The following FOXP2 variants were observed in gnomAD, a reference collection of about 807,000 sequenced individuals.
FOXP2 encodes the protein forkhead box protein P2.
Under a neutral mutation model 115.8 loss-of-function variants are expected in FOXP2, and 12 were observed. That is an observed-to-expected ratio of 0.10 (90% CI 0.07 to 0.17). The LOEUF (loss-of-function observed/expected upper bound fraction) is 0.17, where lower values mean the gene tolerates loss of function less well. Ranked by LOEUF, FOXP2 falls within the 10% of genes least tolerant of loss-of-function variation. FOXP2 has a pLI of 1.00. For synonymous variants in FOXP2, 328 were observed against 297.7 expected, an observed-to-expected ratio of 1.10 and a Z score of -1.05; for missense variants, 629 against 843.5, an observed-to-expected ratio of 0.75 and a Z score of 3.15.
chr7:114,293,329 T>C (rs566795805), intron 2 of FOXP2, among the ~76,000 whole-genome samples: 99 of 152,256 alleles, frequency 6.5e-4, no homozygotes, highest in Non-Finnish European at 1.1e-3. Flanking sequence ...TTTCTGTCTC[T>C]CCCATTCTTT....
chr7:114,513,003 A>C (rs1161208564), intron 2 of FOXP2, among the ~76,000 whole-genome samples: 3 of 151,986 alleles, frequency 2.0e-5, no homozygotes, highest in Non-Finnish European at 2.9e-5. Context: ...AATCACTTGA[A>C]CCCGGGAGGC....
At chr7:114,104,813 T>C (rs1742686918) in intron 1 of FOXP2, among the ~76,000 whole-genome samples, 1 of 152,030 alleles carries the variant, frequency 6.6e-6, no homozygotes, top group Non-Finnish European at 1.5e-5. Context: ...TAAATACATT[T>C]ATTCAAATAA....
At chr7:114,337,595 G>T (rs1797885173) in intron 2 of FOXP2, among the ~76,000 whole-genome samples, 1 of 150,860 alleles carries the variant, frequency 6.6e-6, no homozygotes, top group Non-Finnish European at 1.5e-5. Context: ...AGTTATAAAA[G>T]GATATTAATC....
intron 1 of FOXP2, among the ~76,000 whole-genome samples, chr7:114,243,953 T>C (rs1241908272): frequency 6.6e-6 from 1 of 151,816 alleles, no homozygotes; most frequent in Non-Finnish European, 1.5e-5. Context: ...TTTTAGGAGA[T>C]GGCGAGATTA....
Position 114,629,999 on chromosome 7 carries a change from G to A in FOXP2, c.591G>A (p.Ala197=), listed in dbSNP as rs201717988. The A allele has an allele frequency of 1.0e-5, 16 of 1,607,076 alleles. No homozygotes were observed. Among genetic ancestry groups the A allele is most frequent in the Non-Finnish European group, 1.4e-5 (16 of 1,178,888 alleles). ...QQQQQHPGKQ[A]KEQQQQQQQQ... is the part of the protein sequence containing the mutation. ...AGCAACAGCATCCTGGAAAGCAAGCGAAAGAGGTAGGATCCGGTTATCTCA... is the reference window on the plus strand; with the variant it reads ...AGCAACAGCATCCTGGAAAGCAAGCAAAAGAGGTAGGATCCGGTTATCTCA... Residue 197 remains alanine, a synonymous_variant, in exon 5 of 17, where the codon GCG becomes GCA. Transcript: ENST00000350908.
chr7:114,218,621 T>A (rs2129163224), intron 1 of FOXP2, among the ~76,000 whole-genome samples: 1 of 152,224 alleles, frequency 6.6e-6, no homozygotes, highest in East Asian at 1.9e-4. Context: ...GAAATTGATA[T>A]GAGAAAGAAG....
At chr7:114,614,137 A>G (rs1056836886) in intron 3 of FOXP2, among the ~76,000 whole-genome samples, 1 of 152,246 alleles carries the variant, frequency 6.6e-6, no homozygotes, top group Non-Finnish European at 1.5e-5. Flanking sequence ...TAATTTTGAT[A>G]GATACTACCC....
intron 2 of FOXP2, among the ~76,000 whole-genome samples, chr7:114,473,730 A>C (rs1324878309): frequency 6.6e-6 from 1 of 152,152 alleles, no homozygotes; most frequent in Non-Finnish European, 1.5e-5. Context: ...AGATGCTGCC[A>C]AGTTTTCTCC....
At chr7:114,583,717 G>T (rs1162038077) in intron 3 of FOXP2, among the ~76,000 whole-genome samples, 7 of 152,298 alleles carry the variant, frequency 4.6e-5, no homozygotes, top group Admixed American at 2.0e-4. Flanking sequence ...AGAATTTCAG[G>T]AATTGGTGAC....
chr7:114,486,241 C>T (rs1307399520), intron 2 of FOXP2, among the ~76,000 whole-genome samples: 1 of 152,032 alleles, frequency 6.6e-6, no homozygotes, highest in Non-Finnish European at 1.5e-5. Flanking sequence ...AAAGGGGAAG[C>T]AAGACATATC....
At chr7:114,090,063 C>T (rs1182085891) in intron 1 of FOXP2, among the ~76,000 whole-genome samples, 1 of 151,842 alleles carries the variant, frequency 6.6e-6, no homozygotes, top group East Asian at 1.9e-4. Context: ...AGCCTCATCA[C>T]CCTTGTTTGT....
chr7:114,386,083 G>T (rs1212489227), intron 2 of FOXP2, among the ~76,000 whole-genome samples: 1 of 152,214 alleles, frequency 6.6e-6, no homozygotes, highest in Non-Finnish European at 1.5e-5. Flanking sequence ...GTGGCAATGG[G>T]AGTCTCGCCG....
chr7:114,533,209 A>G (rs887635645), intron 2 of FOXP2, among the ~76,000 whole-genome samples: 1 of 151,976 alleles, frequency 6.6e-6, no homozygotes, highest in African/African-American at 2.4e-5. Flanking sequence ...AGACAAATCA[A>G]TGTTGTTAGG....
intron 3 of FOXP2, among the ~76,000 whole-genome samples, chr7:114,553,996 A>T (rs1800334910): frequency 1.3e-5 from 2 of 152,076 alleles, no homozygotes; most frequent in Admixed American, 6.6e-5. Context: ...TCATATAAAC[A>T]AAATACATAT....
chr7:114,095,003 G>A (rs1490043484), intron 1 of FOXP2, among the ~76,000 whole-genome samples: 3 of 152,126 alleles, frequency 2.0e-5, no homozygotes, highest in Non-Finnish European at 4.4e-5. Flanking sequence ...CTTGTTGCGA[G>A]TAGGAAATTT....
Position 114,176,667 on chromosome 7 carries a change from G to GT in FOXP2, c.-102+13595dup, listed in dbSNP as rs35612669. Among the ~76,000 whole-genome samples, 485 of 113,706 alleles carry GT rather than the reference G, an allele frequency of 4.3e-3. 6 individuals are homozygous for GT. The highest frequency in any genetic ancestry group is 0.014 in the East Asian group (59 of 4,118). The allele number at this position is 113,706 out of a possible 152,430, so 74.6% of individuals were successfully genotyped here. A position where few individuals can be genotyped will look rare whatever the true frequency, so the allele number is the denominator to read the frequency against. ...TGGCCCATGTCTGATTTCTTAGGTT[G>GT]TTTTTTTTTTTTTTTTGTAAGCTTT... On this transcript the variant is annotated intron_variant, in intron 1 of 17. Coordinates refer to the FOXP2 transcript ENST00000634411.
intron 2 of FOXP2, among the ~76,000 whole-genome samples, chr7:114,375,970 T>G (rs1830198): frequency 0.8 from 122,292 of 152,112 alleles, 50,112 homozygotes; most frequent in Non-Finnish European, 0.9. Flanking sequence ...GAAGAATTTT[T>G]GGGGCCATCT....
At chr7:114,487,008 C>T (rs982675644) in intron 2 of FOXP2, among the ~76,000 whole-genome samples, 17 of 152,306 alleles carry the variant, frequency 1.1e-4, no homozygotes, top group African/African-American at 4.1e-4. Context: ...GCCCTCATCT[C>T]ACAGCTCTGC....
intron 1 of FOXP2, among the ~76,000 whole-genome samples, chr7:114,260,855 T>A (rs1255183164): frequency 1.3e-5 from 2 of 151,468 alleles, no homozygotes; most frequent in African/African-American, 4.9e-5. Flanking sequence ...AAAAAAAAAA[T>A]ATTCCCAGGC....
Sources: allele counts gnomAD v4.1 joint callset (sites outside exome capture counted in the v4.1 genomes callset), GRCh38; gene constraint gnomAD v4.1.1; transcripts MANE v1.5; gene names NCBI Gene and HGNC (gene_info 2026-07-23, HGNC 2026-07-21).